CCSER1: variants seen among roughly 807,000 people sequenced by gnomAD.
CCSER1 encodes the protein serine-rich coiled-coil domain-containing protein 1.
A neutral mutation model predicts 82.0 loss-of-function variants in CCSER1; 41 were observed. The ratio of observed to expected loss-of-function variants is 0.50; its 90% CI spans 0.39 to 0.65. The LOEUF is 0.65. CCSER1 is among the 30% of genes least tolerant of loss of function. The pLI, the probability that CCSER1 is intolerant of heterozygous loss-of-function variation, is 0.00. For missense variants in CCSER1, 1,119 were observed against 1,064.2 expected, an observed-to-expected ratio of 1.05 and a Z score of -0.72; for synonymous variants, 414 against 383.9, an observed-to-expected ratio of 1.08 and a Z score of -0.92.
At chr4:90,633,068 TCTTC>T (rs1161225506) in intron 6 of CCSER1, among the ~76,000 whole-genome samples, 13 of 152,114 alleles carry the variant, frequency 8.5e-5, no homozygotes, top group Non-Finnish European at 1.6e-4. Context: ...TAATTGCTAA[TCTTC>T]CTTTTCCCAG....
intron 1 of CCSER1, among the ~76,000 whole-genome samples, chr4:90,232,196 G>A (rs374833949): frequency 1.3e-5 from 2 of 151,994 alleles, no homozygotes; most frequent in African/African-American, 4.8e-5. Flanking sequence ...CAAAGCTGGA[G>A]GCATCACACT....
chr4:90,704,733 A>G (rs1007692866), intron 6 of CCSER1, among the ~76,000 whole-genome samples: 1 of 152,068 alleles, frequency 6.6e-6, no homozygotes, highest in African/African-American at 2.4e-5. Context: ...TTGATCTTTA[A>G]TCACTGATAC....
intron 10 of CCSER1, among the ~76,000 whole-genome samples, chr4:91,482,408 C>CAAA (rs537828832): frequency 1.4e-3 from 95 of 69,788 alleles, no homozygotes; most frequent in East Asian, 3.3e-3. Context: ...GACTCCGTCT[C>CAAA]AAAAAAAAAA....
intron 7 of CCSER1, among the ~76,000 whole-genome samples, chr4:90,782,909 T>C (rs1260516826): frequency 6.6e-6 from 1 of 151,682 alleles, no homozygotes; most frequent in Non-Finnish European, 1.5e-5. Context: ...CTCGATCTCC[T>C]GTGATCGAGA....
At chr4:90,353,247 A>G (rs1579342216) in intron 3 of CCSER1, among the ~76,000 whole-genome samples, 1 of 152,188 alleles carries the variant, frequency 6.6e-6, no homozygotes, top group Admixed American at 6.5e-5. Context: ...AGTAGCATAC[A>G]TATAGCTAGA....
At chr4:91,237,223 AATTT>A (rs1739081151) in intron 10 of CCSER1, among the ~76,000 whole-genome samples, 2 of 151,962 alleles carry the variant, frequency 1.3e-5, no homozygotes, top group South Asian at 2.1e-4. Context: ...TGCATGAACT[AATTT>A]ATTTATATTT....
At chr4:90,303,013 G>A (rs1461743) in intron 1 of CCSER1, among the ~76,000 whole-genome samples, 98,032 of 151,950 alleles carry the variant, frequency 0.65, 33,664 homozygotes, top group African/African-American at 0.88. Context: ...CCTCTTATTT[G>A]GCTGAGAAAC....
intron 10 of CCSER1, among the ~76,000 whole-genome samples, chr4:91,133,582 T>C (rs139565634): frequency 2.6e-5 from 4 of 152,248 alleles, no homozygotes; most frequent in Non-Finnish European, 2.9e-5. Flanking sequence ...GATAGGTAGA[T>C]AGATGAGATA....
chr4:90,880,540 A>G (rs140761505), intron 8 of CCSER1, among the ~76,000 whole-genome samples: 2 of 152,298 alleles, frequency 1.3e-5, no homozygotes, highest in East Asian at 1.9e-4. Flanking sequence ...CTCCAAGGGA[A>G]GCAAGAGCAG....
chr4:90,875,522 T>G (rs2047312985), intron 8 of CCSER1, among the ~76,000 whole-genome samples: 1 of 152,208 alleles, frequency 6.6e-6, no homozygotes, highest in African/African-American at 2.4e-5. Context: ...TAAATAATGA[T>G]GCTCTTTTAA....
chr4:91,144,271 C>T (rs1308443906), intron 10 of CCSER1, among the ~76,000 whole-genome samples: 2 of 151,798 alleles, frequency 1.3e-5, no homozygotes, highest in African/African-American at 4.8e-5. Context: ...ATAATGGTCT[C>T]TGAGGATCTT....
intron 1 of CCSER1, among the ~76,000 whole-genome samples, chr4:90,280,432 G>T (rs536637363): frequency 1.3e-5 from 2 of 150,548 alleles, no homozygotes; most frequent in African/African-American, 4.9e-5. Context: ...AAATCACAAG[G>T]ACTCACTGAA....
chr4:91,364,867 GT>G lies in CCSER1; in HGVS notation c.2218-233697del, dbSNP rs200914300. 6.2e-3 allele frequency among the ~76,000 whole-genome samples: 941 copies of G among 151,830 alleles called. 14 individuals carry two copies. The highest frequency in any genetic ancestry group is 0.021 in the African/African-American group (874 of 41,420). On this transcript the variant is annotated intron_variant, in intron 10 of 10. Coordinates refer to ENST00000509176, the MANE Select transcript of CCSER1 (RefSeq NM_001145065.2). ...TTCCAGCTATTACTATTAATTCTAA[GT>G]TTTTTTTCTCTGATATGTCTTCTTT... is the stretch of plus-strand genomic sequence containing the variant.
At chr4:91,352,501 C>G (rs1336050575) in intron 10 of CCSER1, among the ~76,000 whole-genome samples, 1 of 152,174 alleles carries the variant, frequency 6.6e-6, no homozygotes, top group African/African-American at 2.4e-5. Flanking sequence ...GCCTCAGCAT[C>G]CCAAAGTGCT....
chr4:90,699,508 A>G lies in CCSER1; in HGVS notation c.1933-24406A>G, dbSNP rs540048204. 2.0e-5 allele frequency among the ~76,000 whole-genome samples: 3 copies of G among 152,262 alleles called. No individual in the cohort carries two copies. In the East Asian group the frequency reaches 5.8e-4, roughly 29 times the overall value. ...CCCCCAAACAGAAAGTTCTCTCAAG[A>G]CAAGGTCCATGGCAGCTATATTGTG... is the stretch of plus-strand genomic sequence containing the variant. On this transcript the variant is annotated intron_variant, in intron 6 of 10. Coordinates refer to ENST00000509176, the MANE Select transcript of CCSER1 (RefSeq NM_001145065.2).
intron 1 of CCSER1, among the ~76,000 whole-genome samples, chr4:90,264,311 A>G (rs1189677884): frequency 6.6e-6 from 1 of 152,140 alleles, no homozygotes; most frequent in Non-Finnish European, 1.5e-5. Flanking sequence ...CTGCTTTGGA[A>G]TTTATTGTAT....
chr4:91,510,117 T>C (rs578091766), intron 10 of CCSER1, among the ~76,000 whole-genome samples: 1 of 152,188 alleles, frequency 6.6e-6, no homozygotes, highest in Admixed American at 6.6e-5. Flanking sequence ...TATTTGGTTT[T>C]CTGTTCCTGC....
chr4:91,428,539 G>A (rs771723875), intron 10 of CCSER1, among the ~76,000 whole-genome samples: 15 of 152,006 alleles, frequency 9.9e-5, no homozygotes, highest in African/African-American at 2.4e-4. Flanking sequence ...TACTGAGATC[G>A]TAGTACATCA....
chr4:91,065,802 A>C (rs902084039), intron 9 of CCSER1, among the ~76,000 whole-genome samples: 1 of 152,164 alleles, frequency 6.6e-6, no homozygotes, highest in Non-Finnish European at 1.5e-5. Flanking sequence ...TTTTTCACCG[A>C]ATCATACTGA....
Sources: allele counts gnomAD v4.1 joint callset (sites outside exome capture counted in the v4.1 genomes callset), GRCh38; gene constraint gnomAD v4.1.1; transcripts MANE v1.5; gene names NCBI Gene and HGNC (gene_info 2026-07-23, HGNC 2026-07-21).